The following CNTNAP2 variants were observed in gnomAD, a reference collection of about 807,000 sequenced individuals.
CNTNAP2 encodes contactin-associated protein-like 2.
In CNTNAP2, 98 loss-of-function variants were observed where a neutral mutation model predicts 155.2. That is an observed-to-expected ratio of 0.63 (90% CI 0.54 to 0.75). The LOEUF (loss-of-function observed/expected upper bound fraction) is 0.75, where lower values mean the gene tolerates loss of function less well. Ranked by LOEUF, CNTNAP2 falls within the 30% of genes least tolerant of loss-of-function variation. The pLI, the probability that CNTNAP2 is intolerant of heterozygous loss-of-function variation, is 0.00. For synonymous variants in CNTNAP2, 651 were observed against 631.2 expected (o/e 1.03, Z -0.47); for missense variants, 1,727 against 1,688.1 (o/e 1.02, Z -0.40).
intron 1 of CNTNAP2, among the ~76,000 whole-genome samples, chr7:146,552,682 T>C (rs1798140056): frequency 6.6e-6 from 1 of 152,120 alleles, no homozygotes; most frequent in Non-Finnish European, 1.5e-5. Context: ...TATTGTAATG[T>C]ATGAGACCCC....
At chr7:146,438,472 A>T (rs1408293661) in intron 1 of CNTNAP2, among the ~76,000 whole-genome samples, 1 of 151,354 alleles carries the variant, frequency 6.6e-6, no homozygotes, top group Non-Finnish European at 1.5e-5. Flanking sequence ...TCTTTGCCCA[A>T]ATATTACCTT....
intron 1 of CNTNAP2, among the ~76,000 whole-genome samples, chr7:146,430,276 G>A (rs1020770749): frequency 7.9e-5 from 12 of 151,344 alleles, no homozygotes; most frequent in African/African-American, 2.9e-4. Flanking sequence ...TACTAATAAT[G>A]CACATGTCCA....
intron 21 of CNTNAP2, among the ~76,000 whole-genome samples, chr7:148,276,920 T>C (rs1401251060): frequency 6.6e-6 from 1 of 152,242 alleles, no homozygotes; most frequent in Non-Finnish European, 1.5e-5. Flanking sequence ...GATGATGTCG[T>C]ATTCCTTCTG....
intron 21 of CNTNAP2, among the ~76,000 whole-genome samples, chr7:148,330,380 A>C: frequency 6.6e-6 from 1 of 151,018 alleles, no homozygotes; most frequent in Admixed American, 6.6e-5. Context: ...GGATAGATGG[A>C]GTGGACGGAT....
At chr7:147,341,692 ATT>A (rs35945526) in intron 9 of CNTNAP2, among the ~76,000 whole-genome samples, 2 of 149,238 alleles carry the variant, frequency 1.3e-5, no homozygotes, top group East Asian at 2.0e-4. Flanking sequence ...TCATCTGATG[ATT>A]TTTTTTTTAA....
At chr7:148,316,552 C>A (rs1193479944) in intron 21 of CNTNAP2, among the ~76,000 whole-genome samples, 1 of 152,102 alleles carries the variant, frequency 6.6e-6, no homozygotes, top group Non-Finnish European at 1.5e-5. Flanking sequence ...ACAAATAATA[C>A]CCGCACAGGC....
chr7:147,079,843 C>T (rs994905666), intron 4 of CNTNAP2, among the ~76,000 whole-genome samples: 8 of 152,152 alleles, frequency 5.3e-5, no homozygotes, highest in Admixed American at 5.2e-4. Context: ...TTTGTCCTTT[C>T]ACAGTGTCTG....
intron 13 of CNTNAP2, among the ~76,000 whole-genome samples, chr7:147,685,847 TG>T (rs1205999512): frequency 1.3e-5 from 2 of 151,786 alleles, no homozygotes; most frequent in Non-Finnish European, 2.9e-5. Flanking sequence ...ATGCTATCTG[TG>T]GGGAAGATTG....
chr7:147,111,896 C>G (rs190822462), intron 5 of CNTNAP2, among the ~76,000 whole-genome samples: 1 of 151,942 alleles, frequency 6.6e-6, no homozygotes, highest in Non-Finnish European at 1.5e-5. Context: ...TTTAAATTCT[C>G]TGAAGAATGG....
At chr7:148,270,341 A>T (rs1333229461) in intron 21 of CNTNAP2, among the ~76,000 whole-genome samples, 1 of 152,236 alleles carries the variant, frequency 6.6e-6, no homozygotes, top group East Asian at 1.9e-4. Flanking sequence ...GTAACTGTGC[A>T]TGTGGCAGTG....
chr7:147,666,513 G>A (rs1167445026), intron 13 of CNTNAP2, among the ~76,000 whole-genome samples: 4 of 152,114 alleles, frequency 2.6e-5, no homozygotes, highest in African/African-American at 9.7e-5. Context: ...TATGTTACTG[G>A]TTTATGTATT....
intron 13 of CNTNAP2, among the ~76,000 whole-genome samples, chr7:147,811,288 G>A (rs78785889): frequency 0.014 from 2,102 of 152,174 alleles, 55 homozygotes; most frequent in African/African-American, 0.047. Flanking sequence ...TGGAGACGCA[G>A]AGTTTCACCA....
At chr7:146,365,876 C>A (rs979892884) in intron 1 of CNTNAP2, among the ~76,000 whole-genome samples, 1 of 152,104 alleles carries the variant, frequency 6.6e-6, no homozygotes, top group Non-Finnish European at 1.5e-5. Flanking sequence ...AGTAAGTGTG[C>A]AAAGTAACTG....
intron 12 of CNTNAP2, among the ~76,000 whole-genome samples, chr7:147,573,682 C>T (rs114683699): frequency 0.011 from 1,726 of 152,278 alleles, 33 homozygotes; most frequent in African/African-American, 0.04. Context: ...GAGCATCTTG[C>T]TGACATTTCA....
intron 20 of CNTNAP2, among the ~76,000 whole-genome samples, chr7:148,231,068 T>C (rs1795951540): frequency 1.3e-5 from 2 of 152,204 alleles, no homozygotes; most frequent in Admixed American, 6.5e-5. Context: ...TATCTTGCCA[T>C]TTTACCATTG....
chr7:148,306,916 G>T (rs1797501134), intron 21 of CNTNAP2, among the ~76,000 whole-genome samples: 1 of 152,102 alleles, frequency 6.6e-6, no homozygotes, highest in South Asian at 2.1e-4. Context: ...TGAAAGTTCT[G>T]TGCACACAAA....
At chr7:147,944,348 T>C (rs1800781916) in intron 14 of CNTNAP2, among the ~76,000 whole-genome samples, 1 of 152,222 alleles carries the variant, frequency 6.6e-6, no homozygotes, top group East Asian at 1.9e-4. Context: ...TTACTCCACA[T>C]TGACTCCTGA....
chr7:146,308,461 A>C (rs945478829), intron 1 of CNTNAP2, among the ~76,000 whole-genome samples: 1 of 152,172 alleles, frequency 6.6e-6, no homozygotes, highest in Non-Finnish European at 1.5e-5. Flanking sequence ...CATTTGACCC[A>C]GCCATCCCAT....
At chr7:146,448,188 C>A (rs1796428898) in intron 1 of CNTNAP2, among the ~76,000 whole-genome samples, 1 of 151,950 alleles carries the variant, frequency 6.6e-6, no homozygotes, top group Non-Finnish European at 1.5e-5. Context: ...TATCAAATCA[C>A]AAATTAAGAG....
Sources: gnomAD v4.1 joint callset for allele counts (sites outside exome capture counted in the v4.1 genomes callset) on GRCh38, gnomAD v4.1.1 for gene constraint, MANE v1.5 for transcripts, NCBI Gene and HGNC (gene_info 2026-07-23, HGNC 2026-07-21) for gene names.